Variants in TNFRSF11B observed in about 807,000 individuals in gnomAD.
TNFRSF11B encodes TNF receptor superfamily member 11b.
A neutral mutation model predicts 43.4 loss-of-function variants in TNFRSF11B; 16 were observed. The ratio of observed to expected loss-of-function variants is 0.37; its 90% CI spans 0.25 to 0.56. TNFRSF11B has a LOEUF of 0.56. Ranked by LOEUF, TNFRSF11B falls within the 20% of genes least tolerant of loss-of-function variation. The pLI, the probability that TNFRSF11B is intolerant of heterozygous loss-of-function variation, is 0.80. For synonymous variants in TNFRSF11B, 185 were observed against 181.8 expected (o/e 1.02, Z -0.14); for missense variants, 444 against 490.1 (o/e 0.91, Z 0.89).
chr8:118,945,331 C>T (rs888326128), intron 1 of TNFRSF11B, among the ~76,000 whole-genome samples: 4 of 152,092 alleles, frequency 2.6e-5, no homozygotes, highest in Non-Finnish European at 4.4e-5. Flanking sequence ...AGACCTTCCA[C>T]ATATGACCTA....
intron 1 of TNFRSF11B, among the ~76,000 whole-genome samples, chr8:118,938,630 G>A (rs1402228883): frequency 6.6e-6 from 1 of 152,170 alleles, no homozygotes; most frequent in Non-Finnish European, 1.5e-5. Context: ...CAAGGGCATA[G>A]AGTTAGAAGA....
At chr8:118,943,111 A>T (rs3102726) in intron 1 of TNFRSF11B, among the ~76,000 whole-genome samples, 14,394 of 152,198 alleles carry the variant, frequency 0.095, 854 homozygotes, top group African/African-American at 0.17. Flanking sequence ...GTTGTAATTT[A>T]TACTAAGCAG....
At chr8:118,936,801 TCAAAACAAAAA>T (rs947411954) in intron 1 of TNFRSF11B, among the ~76,000 whole-genome samples, 3 of 152,134 alleles carry the variant, frequency 2.0e-5, no homozygotes, top group Non-Finnish European at 2.9e-5. Flanking sequence ...AGACTCTGTC[TCAAAACAAAAA>T]CAAAACAAAA....
At chr8:118,932,263 GT>G (rs1405902839) in intron 2 of TNFRSF11B, among the ~76,000 whole-genome samples, 1 of 152,198 alleles carries the variant, frequency 6.6e-6, no homozygotes, top group Non-Finnish European at 1.5e-5. Flanking sequence ...GACCAATGCT[GT>G]TCAAAATGCA....
Position 118,926,403 on chromosome 8 carries a change from A to G in TNFRSF11B, c.817+91T>C. The G allele has an allele frequency of 1.3e-5, 15 of 1,196,902 alleles. No individual in the cohort carries two copies. In the South Asian group the frequency reaches 1.9e-4, roughly 15 times the overall value. 74.1% of individuals were successfully genotyped at this position (1,196,902 alleles called of 1,614,324 possible). A position where few individuals can be genotyped will look rare whatever the true frequency, so the allele number is the denominator to read the frequency against. On this transcript the variant is annotated intron_variant, in intron 4 of 4. Coordinates refer to ENST00000297350, the MANE Select transcript of TNFRSF11B (RefSeq NM_002546.4). ...ATTCCAACAGGGAAACAAGATCCAC[A>G]CAACTAAACATACATGCAGTCTTGT...
Position 118,951,859 on chromosome 8 carries a change from G to A in TNFRSF11B, c.-38C>T. On this transcript the variant is annotated 5_prime_UTR_variant, in exon 1 of 5. Coordinates refer to ENST00000297350, the MANE Select transcript of TNFRSF11B (RefSeq NM_002546.4). ...AAACCTCAGGGGCTTGGAGGCGGCG[G>A]CTGGGCGAGCGCTCCGGTGCGTCTC... 6.4e-7 allele frequency: 1 copy of A among 1,563,686 alleles called. No individual in the cohort carries two copies. Among genetic ancestry groups the A allele is most frequent in the Non-Finnish European group, 8.7e-7 (1 of 1,152,428 alleles).
chr8:118,940,919 A>G (rs11573869), intron 1 of TNFRSF11B, among the ~76,000 whole-genome samples: 10,478 of 152,270 alleles, frequency 0.069, 476 homozygotes, highest in East Asian at 0.17. Context: ...AATGCTTAGC[A>G]TGGTGTCTTA....
intron 4 of TNFRSF11B, among the ~76,000 whole-genome samples, chr8:118,925,786 C>T (rs1812238018): frequency 6.6e-6 from 1 of 152,144 alleles, no homozygotes; most frequent in African/African-American, 2.4e-5. Flanking sequence ...CATCATGTGT[C>T]GTAAAGCTTA....
chr8:118,939,900 T>C (rs559721183), intron 1 of TNFRSF11B, among the ~76,000 whole-genome samples: 17 of 152,210 alleles, frequency 1.1e-4, no homozygotes, highest in African/African-American at 4.1e-4. Context: ...AAATATTTGG[T>C]GAGCTAGGAT....
At chr8:118,938,887 T>C (rs1812440247) in intron 1 of TNFRSF11B, among the ~76,000 whole-genome samples, 1 of 152,244 alleles carries the variant, frequency 6.6e-6, no homozygotes, top group Non-Finnish European at 1.5e-5. Context: ...TGGGCCTGCT[T>C]TCTGTATGCA....
Position 118,933,142 on chromosome 8 carries a change from G to A in TNFRSF11B, c.189C>T (p.Ala63=). 6.2e-7 allele frequency: 1 copy of A among 1,614,184 alleles called. No homozygotes were observed. The highest frequency in any genetic ancestry group is 8.5e-7 in the Non-Finnish European group (1 of 1,180,040). The change falls in exon 2 of 5, where the codon GCC becomes GCT. Residue 63 remains alanine, a synonymous_variant. Transcript: ENST00000297350. The part of the protein sequence containing the change: ...HCTAKWKTVC[A]PCPDHYYTDS... ...CTGTGTAGTAGTGGTCAGGGCAAGG[G>A]GCGCACACGGTCTTCCACTTTGCTG...
rs35629647 is a variant in TNFRSF11B, at chr8:118,948,792, C to CAA, written c.30+2998_30+2999dup. Among the ~76,000 whole-genome samples the CAA allele has an allele frequency of 1.2e-3, 179 of 150,076 alleles. 1 individual carries two copies. Among genetic ancestry groups the CAA allele is most frequent in the Admixed American group, 4.4e-3 (66 of 15,084 alleles). ...AACAACAAAAAAACAAACAAACAAACAAAAAAAAACTTAACCACTAGGGGG... is the reference window on the plus strand; with the variant it reads ...AACAACAAAAAAACAAACAAACAAACAAAAAAAAAAACTTAACCACTAGGGGG... On this transcript the variant is annotated intron_variant, in intron 1 of 4. Transcript: ENST00000297350.
chr8:118,933,132 C>T lies in TNFRSF11B; in HGVS notation c.199G>A (p.Asp67Asn). Residue 67 changes from aspartate to asparagine, a missense_variant, in exon 2 of 5, where the codon GAC (aspartate) becomes AAC (asparagine). Physicochemically the swap from Asp to Asn is conservative, Grantham distance 23. Transcript: ENST00000297350. ...KWKTVCAPCP[D>N]HYYTDSWHTS... ...TGCCAGCTGTCTGTGTAGTAGTGGT[C>T]AGGGCAAGGGGCGCACACGGTCTTC... is the stretch of plus-strand genomic sequence containing the variant. The T allele has an allele frequency of 5.0e-6, 8 of 1,614,162 alleles. No homozygotes were observed. Among genetic ancestry groups the T allele is most frequent in the Non-Finnish European group, 6.8e-6 (8 of 1,180,050 alleles).
intron 1 of TNFRSF11B, among the ~76,000 whole-genome samples, chr8:118,939,904 C>T (rs1220735512): frequency 6.6e-6 from 1 of 151,940 alleles, no homozygotes; most frequent in African/African-American, 2.4e-5. Flanking sequence ...ATTTGGTGAG[C>T]TAGGATGAAA....
intron 1 of TNFRSF11B, among the ~76,000 whole-genome samples, chr8:118,949,939 A>G (rs1240535053): frequency 6.6e-6 from 1 of 152,204 alleles, no homozygotes; most frequent in Non-Finnish European, 1.5e-5. Context: ...AAGTCTCAGA[A>G]GCTAAAGAAA....
In TNFRSF11B at chr8:118,937,873, A is replaced by C. The variant is rs6992686; in HGVS notation, c.31-4573T>G. The stretch of plus-strand genomic sequence containing the variant: ...TAAGAAAGGCAGCATGAGACTTAGC[A>C]AACACTGTCTCTAAGAAGGGGTTTA... On this transcript the variant is annotated intron_variant, in intron 1 of 4. Coordinates refer to ENST00000297350, the MANE Select transcript of TNFRSF11B (RefSeq NM_002546.4). 2.0e-3 allele frequency among the ~76,000 whole-genome samples: 300 copies of C among 152,320 alleles called. 1 individual carries two copies. Among genetic ancestry groups the C allele is most frequent in the African/African-American group, 6.5e-3 (271 of 41,574 alleles).
At chr8:118,949,357 A>C (rs11573818) in intron 1 of TNFRSF11B, among the ~76,000 whole-genome samples, 70 of 152,188 alleles carry the variant, frequency 4.6e-4, no homozygotes, top group Non-Finnish European at 9.7e-4. Flanking sequence ...TATCATCAGC[A>C]CTTCGTTTAC....
chr8:118,938,893 A>G (rs527741351), intron 1 of TNFRSF11B, among the ~76,000 whole-genome samples: 2 of 152,208 alleles, frequency 1.3e-5, no homozygotes, highest in African/African-American at 2.4e-5. Context: ...TGCTTTCTGT[A>G]TGCAGAACCA....
At position 118,932,917 on chromosome 8, in the gene TNFRSF11B, A is replaced by G. The variant is rs1195988565; in HGVS notation, c.400+14T>C. 1.9e-6 allele frequency: 3 copies of G among 1,613,960 alleles called. No individual in the cohort carries two copies. The highest frequency in any genetic ancestry group is 1.3e-5 in the African/African-American group (1 of 74,942). ...GCATGATCCTAATTAATTTTGCTGCACATTGACACGTACCAGCTTGCACCA... is the reference window on the plus strand; with the variant it reads ...GCATGATCCTAATTAATTTTGCTGCGCATTGACACGTACCAGCTTGCACCA... On this transcript the variant is annotated intron_variant, in intron 2 of 4. Coordinates refer to ENST00000297350, the MANE Select transcript of TNFRSF11B (RefSeq NM_002546.4).
Sources: gnomAD v4.1 joint callset for allele counts (sites outside exome capture counted in the v4.1 genomes callset) on GRCh38, gnomAD v4.1.1 for gene constraint, MANE v1.5 for transcripts, NCBI Gene and HGNC (gene_info 2026-07-23, HGNC 2026-07-21) for gene names.